Variants in MYO3A observed in about 807,000 individuals in gnomAD.
MYO3A encodes the protein myosin-IIIa.
A neutral mutation model predicts 192.7 loss-of-function variants in MYO3A; 180 were observed. The ratio of observed to expected loss-of-function variants is 0.93; its 90% CI spans 0.83 to 1.06. The LOEUF (loss-of-function observed/expected upper bound fraction) is 1.06. MYO3A is among the 50% of genes least tolerant of loss of function. MYO3A has a pLI of 0.00. For missense variants in MYO3A, 1,896 were observed against 1,905.0 expected (o/e 1.00, Z 0.09); for synonymous variants, 628 against 645.3 (o/e 0.97, Z 0.41).
intron 1 of MYO3A, among the ~76,000 whole-genome samples, 188 bp downstream of exon 1, chr10:25,934,516 C>T (rs896282223): frequency 2.0e-5 from 3 of 151,906 alleles, no homozygotes; most frequent in East Asian, 2.0e-4. Flanking sequence ...GTGTGTTTGT[C>T]GGGGCCTGGG....
intron 6 of MYO3A, among the ~76,000 whole-genome samples, chr10:26,012,434 C>G (rs12263132): frequency 0.094 from 14,281 of 152,148 alleles, 1,182 homozygotes; most frequent in African/African-American, 0.21. Context: ...AGTAGCCCTG[C>G]TATACCCCAA....
intron 4 of MYO3A, among the ~76,000 whole-genome samples, chr10:25,975,054 A>G (rs1838888614): frequency 6.6e-6 from 1 of 152,166 alleles, no homozygotes; most frequent in Admixed American, 6.6e-5. Flanking sequence ...GAAGGATAAG[A>G]CAGGAATTTA....
intron 4 of MYO3A, among the ~76,000 whole-genome samples, chr10:25,975,967 G>A (rs1838941101): frequency 6.6e-6 from 1 of 152,120 alleles, no homozygotes; most frequent in Non-Finnish European, 1.5e-5. Flanking sequence ...TAGAACTTTG[G>A]ACATTGTACA....
In MYO3A at chr10:26,209,792, G is replaced by C. The variant is rs559312624; in HGVS notation, c.4731-2051G>C. Among the ~76,000 whole-genome samples, 6 of 152,104 alleles carry C rather than the reference G, an allele frequency of 3.9e-5. No homozygotes were observed. The East Asian group carries it at 1.2e-3, about 29-fold the overall frequency. ...ATGCACTCTCATGACCTTAAATATT[G>C]TCTGAGTACTTAAAATTCCTGGCCT... On this transcript the variant is annotated intron_variant, in intron 34 of 34. Transcript: ENST00000642920.
chr10:26,118,025 A>C (rs1241998288), intron 17 of MYO3A, among the ~76,000 whole-genome samples: 1 of 152,174 alleles, frequency 6.6e-6, no homozygotes, highest in African/African-American at 2.4e-5. Flanking sequence ...ACTTTTTAAT[A>C]ATAACCATTC....
intron 17 of MYO3A, among the ~76,000 whole-genome samples, chr10:26,113,471 A>C (rs2131655927): frequency 8.9e-6 from 1 of 112,834 alleles, no homozygotes; most frequent in East Asian, 2.1e-4. Context: ...TACGTCTCAA[A>C]AAAACAAAAA....
chr10:26,039,587 T>C (rs2131209164), intron 10 of MYO3A, among the ~76,000 whole-genome samples: 1 of 152,302 alleles, frequency 6.6e-6, no homozygotes. Context: ...GTTCAGGTTT[T>C]GGATCTCTTT....
At chr10:26,058,237 T>C (rs538421766) in intron 10 of MYO3A, among the ~76,000 whole-genome samples, 10 of 152,230 alleles carry the variant, frequency 6.6e-5, no homozygotes, top group Admixed American at 4.6e-4. Flanking sequence ...TGGACTCATA[T>C]ATGTAGTTTT....
intron 14 of MYO3A, among the ~76,000 whole-genome samples, chr10:26,083,432 C>T (rs1037502915): frequency 6.6e-6 from 1 of 152,114 alleles, no homozygotes; most frequent in African/African-American, 2.4e-5. Context: ...GTAACTGGCT[C>T]TATGGTAGAG....
chr10:26,070,066 A>C, intron 12 of MYO3A, 45 bp from the exon 13 acceptor site: 1 of 1,416,288 alleles, frequency 7.1e-7, no homozygotes, highest in Non-Finnish European at 9.9e-7. Context: ...CAGGACTTAA[A>C]TAAAAACAAA....
At chr10:26,122,643 A>G (rs773446307) in intron 18 of MYO3A, among the ~76,000 whole-genome samples, 3 of 152,100 alleles carry the variant, frequency 2.0e-5, no homozygotes, top group Non-Finnish European at 4.4e-5. Flanking sequence ...TCTTTCAGAA[A>G]CCACATAACC....
At chr10:25,980,899 T>C (rs899956793) in intron 4 of MYO3A, among the ~76,000 whole-genome samples, 14 of 152,340 alleles carry the variant, frequency 9.2e-5, no homozygotes, top group African/African-American at 3.4e-4. Context: ...CTGTTATACA[T>C]TTTATGGATT....
intron 4 of MYO3A, among the ~76,000 whole-genome samples, chr10:25,959,487 A>C (rs775162949): frequency 1.1e-4 from 16 of 152,128 alleles, no homozygotes; most frequent in Non-Finnish European, 2.2e-4. Flanking sequence ...GAGCTTCTAC[A>C]CTGCCTCATT....
chr10:25,999,939 C>A (rs1245007175), intron 6 of MYO3A, among the ~76,000 whole-genome samples: 3 of 152,180 alleles, frequency 2.0e-5, no homozygotes, highest in African/African-American at 4.8e-5. Context: ...TTTACTGCTC[C>A]TGCCCTAGTT....
intron 17 of MYO3A, among the ~76,000 whole-genome samples, chr10:26,097,230 A>G (rs1471724339): frequency 3.3e-5 from 5 of 152,100 alleles, no homozygotes. Context: ...TTCTATCACT[A>G]TAAATCTGCT....
At chr10:26,095,784 A>T (rs528708627) in intron 15 of MYO3A, among the ~76,000 whole-genome samples, 186 of 152,326 alleles carry the variant, frequency 1.2e-3, no homozygotes, top group Non-Finnish European at 2.2e-3. Context: ...TAAGAAAGAG[A>T]TTCCTCATAC....
intron 2 of MYO3A, among the ~76,000 whole-genome samples, chr10:25,939,308 A>G (rs1836320781): frequency 6.6e-6 from 1 of 151,958 alleles, no homozygotes; most frequent in South Asian, 2.1e-4. Context: ...TTATCTTTAA[A>G]GAACTATTAC....
intron 17 of MYO3A, among the ~76,000 whole-genome samples, chr10:26,114,572 G>A (rs774114103): frequency 9.8e-5 from 14 of 143,362 alleles, no homozygotes; most frequent in Non-Finnish European, 2.2e-4. Context: ...AAAAGAAGAG[G>A]ACATTTAGAT....
At chr10:25,999,105 A>G (rs1840627424) in intron 6 of MYO3A, among the ~76,000 whole-genome samples, 1 of 152,066 alleles carries the variant, frequency 6.6e-6, no homozygotes, top group Admixed American at 6.6e-5. Flanking sequence ...TCACCATATT[A>G]GCCAGGATGG....
Sources: allele counts gnomAD v4.1 joint callset (sites outside exome capture counted in the v4.1 genomes callset), GRCh38; gene constraint gnomAD v4.1.1; transcripts MANE v1.5; gene names NCBI Gene and HGNC (gene_info 2026-07-23, HGNC 2026-07-21).